The following SLCO4C1 variants were observed in gnomAD, a reference collection of about 807,000 sequenced individuals.
The protein encoded by SLCO4C1 is organic anion transporter M1.
A neutral mutation model predicts 72.1 loss-of-function variants in SLCO4C1; 58 were observed. That is an observed-to-expected ratio of 0.80 (90% CI 0.65 to 1.00). SLCO4C1 has a LOEUF of 1.00. Among genes scored for constraint, SLCO4C1 ranks in the 50% least tolerant of loss-of-function variants. The probability of loss-of-function intolerance (pLI) is 0.00; values close to 1 mark genes in which losing one functional copy is unlikely to be tolerated. For synonymous variants in SLCO4C1, 297 were observed against 312.5 expected, an observed-to-expected ratio of 0.95 and a Z score of 0.52; for missense variants, 898 against 857.9, an observed-to-expected ratio of 1.05 and a Z score of -0.58.
chr5:102,292,291 T>G (rs1749571772), intron 1 of SLCO4C1, among the ~76,000 whole-genome samples: 1 of 152,100 alleles, frequency 6.6e-6, no homozygotes, highest in Non-Finnish European at 1.5e-5. Flanking sequence ...TTCCAAGTAT[T>G]AATATATCAT....
chr5:102,268,407 A>G (rs72777950), intron 3 of SLCO4C1, among the ~76,000 whole-genome samples: 18,114 of 152,084 alleles, frequency 0.12, 1,292 homozygotes, highest in African/African-American at 0.16. Context: ...GTCTAATTTA[A>G]ATATAGCTAC....
At position 102,295,945 on chromosome 5, in the gene SLCO4C1, G is replaced by C; in HGVS notation, c.318C>G (p.Gly106=). 1.9e-6 allele frequency: 3 copies of C among 1,614,222 alleles called. No homozygotes were observed. The highest frequency in any genetic ancestry group is 2.2e-5 in the South Asian group (2 of 91,090). ...CCAAGAGGCAGTAGTGAAGCAGAAA[G>C]CCTCCAGGTGTGTTGCAGCGCTGGA... ...QCLQRCNTPG[G]FLLHYCLLAV... The change falls in exon 1 of 13, where the codon GGC becomes GGG. Residue 106 remains glycine (G), a synonymous_variant. Transcript: ENST00000310954.
At chr5:102,283,982 T>G (rs1164918848) in intron 2 of SLCO4C1, among the ~76,000 whole-genome samples, 3 of 152,200 alleles carry the variant, frequency 2.0e-5, no homozygotes, top group Non-Finnish European at 4.4e-5. Context: ...TTTCTGAATA[T>G]GCTTCTCATT....
intron 3 of SLCO4C1, 94 bp from the exon 4 acceptor site, chr5:102,263,874 C>G: frequency 1.1e-6 from 1 of 902,230 alleles, no homozygotes; most frequent in Non-Finnish European, 1.7e-6. Context: ...ACAGAAAAAT[C>G]TAAACAATTA....
At chr5:102,237,681 T>C (rs932432402) in intron 12 of SLCO4C1, among the ~76,000 whole-genome samples, 1 of 152,020 alleles carries the variant, frequency 6.6e-6, no homozygotes, top group Admixed American at 6.6e-5. Flanking sequence ...CAAAAGTCAA[T>C]AATGAGGGAA....
chr5:102,240,792 T>C lies in SLCO4C1; in HGVS notation c.1812-10A>G. ...TCTGTGATTAACACACCTGGAAATA[T>C]TAAATATATATGAGACCAAAAAAGG... On this transcript the variant is annotated splice_polypyrimidine_tract_variant and intron_variant, in intron 10 of 12. Transcript: ENST00000310954. The C allele has an allele frequency of 1.2e-6, 2 of 1,605,958 alleles. No individual in the cohort carries two copies. The highest frequency in any genetic ancestry group is 1.7e-6 in the Non-Finnish European group (2 of 1,173,878).
chr5:102,257,079 T>C, intron 8 of SLCO4C1, 36 bp downstream of exon 8: 2 of 1,411,730 alleles, frequency 1.4e-6, no homozygotes, highest in Non-Finnish European at 1.9e-6. Context: ...TCTATTATTC[T>C]GGTATTAATA....
chr5:102,287,905 T>A (rs796555912), intron 2 of SLCO4C1, among the ~76,000 whole-genome samples: 7 of 152,232 alleles, frequency 4.6e-5, no homozygotes, highest in African/African-American at 1.4e-4. Context: ...TGAATTCCTT[T>A]AAATGTGTAA....
At chr5:102,255,718 G>T (rs431778) in intron 8 of SLCO4C1, among the ~76,000 whole-genome samples, 1 of 151,928 alleles carries the variant, frequency 6.6e-6, no homozygotes, top group African/African-American at 2.4e-5. Context: ...CTATTATGCT[G>T]TGAAGCCCTT....
At chr5:102,294,015 T>C (rs889708462) in intron 1 of SLCO4C1, among the ~76,000 whole-genome samples, 5 of 152,208 alleles carry the variant, frequency 3.3e-5, no homozygotes, top group African/African-American at 1.2e-4. Flanking sequence ...TTCAAGTGTT[T>C]TTCCCACCTC....
At chr5:102,274,057 C>T (rs759840231) in intron 2 of SLCO4C1, among the ~76,000 whole-genome samples, 30 of 152,044 alleles carry the variant, frequency 2.0e-4, no homozygotes, top group East Asian at 1.2e-3. Flanking sequence ...AGCATTTACA[C>T]GACATTAGCT....
At chr5:102,261,421 AAAAG>A (rs1396222343) in intron 5 of SLCO4C1, among the ~76,000 whole-genome samples, 1 of 151,910 alleles carries the variant, frequency 6.6e-6, no homozygotes, top group Non-Finnish European at 1.5e-5. Context: ...CAAAAAACAT[AAAAG>A]AAAGAAAGAA....
chr5:102,265,351 C>T (rs3114667), intron 3 of SLCO4C1, among the ~76,000 whole-genome samples: 88,265 of 151,908 alleles, frequency 0.58, 26,299 homozygotes, highest in East Asian at 0.69. Context: ...ATTTTGTTTT[C>T]GTTGCCTATG....
intron 3 of SLCO4C1, among the ~76,000 whole-genome samples, chr5:102,267,420 A>G (rs1227217603): frequency 6.6e-6 from 1 of 152,034 alleles, no homozygotes; most frequent in African/African-American, 2.4e-5. Context: ...TGTATTTGTT[A>G]GTAAGACTAA....
At chr5:102,283,348 G>T (rs990991988) in intron 2 of SLCO4C1, among the ~76,000 whole-genome samples, 3 of 151,938 alleles carry the variant, frequency 2.0e-5, no homozygotes, top group Non-Finnish European at 4.4e-5. Flanking sequence ...CAGGATCACT[G>T]TAGTTCTATC....
rs754410085 is a variant in SLCO4C1 at position 102,291,601 on chromosome 5, C to G, written c.361G>C (p.Val121Leu). ...YCLLAVTQGI[V>L]VNGLVNISIS... Reference sequence around the variant, plus strand: ...CTAATATTTACTAGGCCATTAACTACAATACCTAAAAAACAGAAAAGTTGA... The same window carrying G: ...CTAATATTTACTAGGCCATTAACTAGAATACCTAAAAAACAGAAAAGTTGA... The change falls in exon 2 of 13, where the codon GTA (valine) becomes CTA (leucine). Residue 121 changes from valine (V) to leucine (L), a missense_variant. By Grantham distance (32) the Val-to-Leu change is conservative. Coordinates refer to ENST00000310954, the MANE Select transcript of SLCO4C1 (RefSeq NM_180991.5). 6.2e-7 allele frequency: 1 copy of G among 1,602,250 alleles called. No homozygotes were observed. The highest frequency in any genetic ancestry group is 8.5e-7 in the Non-Finnish European group (1 of 1,174,598).
At position 102,236,629 on chromosome 5, in the gene SLCO4C1, C is replaced by A; in HGVS notation, c.*229G>T. The A allele has an allele frequency of 2.5e-6, 1 of 404,564 alleles. No homozygotes were observed. Among genetic ancestry groups the A allele is most frequent in the East Asian group, 5.2e-5 (1 of 19,122 alleles). The allele number at this position is 404,564 out of a possible 1,614,324, so 25.1% of individuals were successfully genotyped here. ...TCGTGTGTGTGTGTGTGTGTGTGCT[C>A]GTGTGTGTGTGTGCTGTGTTTTGAG... is the stretch of plus-strand genomic sequence containing the variant. On this transcript the variant is annotated 3_prime_UTR_variant, in exon 13 of 13. Transcript: ENST00000310954.
chr5:102,295,800 G>T, intron 1 of SLCO4C1, 108 bp downstream of exon 1: 1 of 1,117,952 alleles, frequency 8.9e-7, no homozygotes, highest in Non-Finnish European at 1.3e-6. Flanking sequence ...CTTGCAGGGC[G>T]CGTCCACCGT....
rs770595557 is a variant in SLCO4C1, at chr5:102,296,269, A to G, written c.-7T>C. The stretch of plus-strand genomic sequence containing the variant: ...TACCTTTGGCGCTCTTCATGTCTGG[A>G]TGGGTTCTCCCGACTCCGGTGCTTC... On this transcript the variant is annotated 5_prime_UTR_variant, in exon 1 of 13. Transcript: ENST00000310954. 2 of 1,520,298 alleles carry G rather than the reference A, an allele frequency of 1.3e-6. No individual in the cohort carries two copies. The highest frequency in any genetic ancestry group is 4.6e-5 in the East Asian group (2 of 43,936). 94.2% of individuals were successfully genotyped at this position (1,520,298 alleles called of 1,614,324 possible). A position where few individuals can be genotyped will look rare whatever the true frequency, so the allele number is the denominator to read the frequency against.
Sources: allele counts gnomAD v4.1 joint callset (sites outside exome capture counted in the v4.1 genomes callset), GRCh38; gene constraint gnomAD v4.1.1; transcripts MANE v1.5; gene names NCBI Gene and HGNC (gene_info 2026-07-23, HGNC 2026-07-21).